Variants in YEATS2 observed in about 807,000 individuals in gnomAD.
The protein encoded by YEATS2 is YEATS domain containing 2, also known as YEATS domain-containing protein 2.
Under a neutral mutation model 163.2 loss-of-function variants are expected in YEATS2, and 77 were observed. That is an observed-to-expected ratio of 0.47 (90% confidence interval 0.39 to 0.57). The LOEUF (loss-of-function observed/expected upper bound fraction) is 0.57, where lower values mean the gene tolerates loss of function less well. Ranked by LOEUF, YEATS2 falls within the 20% of genes least tolerant of loss-of-function variation. The probability of loss-of-function intolerance (pLI) is 0.00; values close to 1 mark genes in which losing one functional copy is unlikely to be tolerated. For missense variants in YEATS2, 1,549 were observed against 1,729.8 expected, an observed-to-expected ratio of 0.90 and a Z score of 1.85; for synonymous variants, 631 against 645.1, an observed-to-expected ratio of 0.98 and a Z score of 0.33.
At chr3:183,751,967 T>A (rs1720210941) in intron 9 of YEATS2, 106 bp from the exon 10 acceptor site, 1 of 1,268,394 alleles carries the variant, frequency 7.9e-7, no homozygotes, top group Non-Finnish European at 1.1e-6. Context: ...GAAGTGTGAT[T>A]AGAAGTTATC....
Position 183,806,984 on chromosome 3 carries a change from G to A in YEATS2, c.3903G>A (p.Glu1301=), listed in dbSNP as rs764260653. The part of the protein sequence containing the change: ...EEEVDILSLS[E]PVKINIKKEQ... ...AGGTGGACATCCTCAGCCTCTCCGA[G>A]CCAGTGAAGATAAACATCAAGAAGG... The change falls in exon 28 of 31, where the codon GAG becomes GAA. Residue 1301 remains glutamate, a synonymous_variant. Transcript: ENST00000305135. 7 of 1,614,052 alleles carry A rather than the reference G, an allele frequency of 4.3e-6. No individual in the cohort carries two copies. The highest frequency in any genetic ancestry group is 2.2e-5 in the East Asian group (1 of 44,902).
chr3:183,735,687 T>C (rs540171184), intron 7 of YEATS2, among the ~76,000 whole-genome samples: 4 of 138,436 alleles, frequency 2.9e-5, no homozygotes, highest in African/African-American at 1.0e-4. Context: ...TCTTTCTCCT[T>C]GTCATTTTCT....
intron 27 of YEATS2, chr3:183,806,316 C>T (rs1267601300): frequency 4.4e-6 from 2 of 456,162 alleles, no homozygotes; most frequent in Non-Finnish European, 8.8e-6. Flanking sequence ...AAATCTTGTA[C>T]CTGGTGTGGA....
intron 1 of YEATS2, among the ~76,000 whole-genome samples, 162 bp from the exon 2 acceptor site, chr3:183,714,982 A>G (rs1440155198): frequency 3.3e-5 from 5 of 151,968 alleles, no homozygotes; most frequent in Non-Finnish European, 5.9e-5. Context: ...ATATGTGTGT[A>G]TATACACATA....
At chr3:183,779,537 A>G (rs1723347215) in intron 19 of YEATS2, among the ~76,000 whole-genome samples, 1 of 152,122 alleles carries the variant, frequency 6.6e-6, no homozygotes, top group African/African-American at 2.4e-5. Context: ...CAGCCCTCCA[A>G]TATGTTTCAA....
chr3:183,727,059 C>T (rs928528113), intron 6 of YEATS2, among the ~76,000 whole-genome samples: 1 of 152,048 alleles, frequency 6.6e-6, no homozygotes, highest in East Asian at 1.9e-4. Context: ...CCTTGGCCTC[C>T]AAAAGTGCTG....
At chr3:183,730,310 C>A (rs1325908000) in intron 7 of YEATS2, among the ~76,000 whole-genome samples, 1 of 151,822 alleles carries the variant, frequency 6.6e-6, no homozygotes. Flanking sequence ...AGCCCCCTGC[C>A]CGCCTTGGCC....
intron 1 of YEATS2, among the ~76,000 whole-genome samples, chr3:183,712,764 ATT>A (rs35062693): frequency 0.062 from 9,081 of 146,412 alleles, 903 homozygotes; most frequent in African/African-American, 0.21. Flanking sequence ...ACTAATACAA[ATT>A]TTTTTTTTTT....
intron 23 of YEATS2, 38 bp downstream of exon 23, chr3:183,799,027 T>A (rs1326168032): frequency 6.6e-7 from 1 of 1,521,258 alleles, no homozygotes; most frequent in African/African-American, 1.4e-5. Context: ...CCAGAAGTTT[T>A]GTTACTTTTT....
At position 183,718,240 on chromosome 3, in the gene YEATS2, C is replaced by G. The variant is rs576116559; in HGVS notation, c.199-260C>G. On this transcript the variant is annotated intron_variant, in intron 3 of 30. Coordinates refer to ENST00000305135, the MANE Select transcript of YEATS2 (RefSeq NM_018023.5). The stretch of plus-strand genomic sequence containing the variant: ...TTAAAAAAGATAATCCCTCTTTGCT[C>G]TTGTGTTCAGTGTCTTTGTGGATTT... Among the ~76,000 whole-genome samples, 6 of 152,310 alleles carry G rather than the reference C, an allele frequency of 3.9e-5. No individual in the cohort carries two copies. The South Asian group carries it at 1.2e-3, about 32-fold the overall frequency.
chr3:183,800,603 T>A, intron 24 of YEATS2, 35 bp downstream of exon 24: 1 of 1,575,816 alleles, frequency 6.3e-7, no homozygotes, highest in Non-Finnish European at 8.7e-7. Context: ...GGAATTCCGC[T>A]TCGGGTGTTT....
intron 19 of YEATS2, among the ~76,000 whole-genome samples, chr3:183,780,735 T>C (rs544644328): frequency 1.3e-5 from 2 of 152,344 alleles, no homozygotes; most frequent in South Asian, 4.1e-4. Context: ...AACATGTCTC[T>C]CAGCATTTAG....
At chr3:183,782,757 T>C (rs981453321) in intron 19 of YEATS2, among the ~76,000 whole-genome samples, 2 of 152,210 alleles carry the variant, frequency 1.3e-5, no homozygotes, top group Non-Finnish European at 2.9e-5. Context: ...TGATTCCACT[T>C]TCCTGTTGAT....
chr3:183,807,921 C>A, intron 28 of YEATS2, 109 bp from the exon 29 acceptor site: 1 of 826,924 alleles, frequency 1.2e-6, no homozygotes, highest in South Asian at 1.7e-5. Context: ...TTTGCAGAGT[C>A]CTCCTTCCAA....
chr3:183,807,626 A>G (rs263029), intron 28 of YEATS2: 90,600 of 205,142 alleles, frequency 0.44, 20,608 homozygotes, highest in Middle Eastern at 0.54. Flanking sequence ...CTCAGGGCCC[A>G]AGGTGAAAGA....
At chr3:183,801,204 A>T in intron 24 of YEATS2, 1 of 347,898 alleles carries the variant, frequency 2.9e-6, no homozygotes, top group Non-Finnish European at 5.2e-6. Context: ...TAAGGTGTAG[A>T]TTAAATGTCT....
intron 1 of YEATS2, among the ~76,000 whole-genome samples, chr3:183,708,651 A>T (rs1357205109): frequency 2.6e-5 from 4 of 152,106 alleles, no homozygotes; most frequent in Non-Finnish European, 5.9e-5. Context: ...GGATCTCTTG[A>T]GGCCAGGAGT....
chr3:183,724,643 C>A, intron 6 of YEATS2, 112 bp downstream of exon 6: 3 of 745,306 alleles, frequency 4.0e-6, no homozygotes, highest in South Asian at 2.4e-5. Flanking sequence ...TTTTCCCAAG[C>A]CCTTAGTTGT....
At chr3:183,792,890 T>A (rs1368128444) in intron 21 of YEATS2, among the ~76,000 whole-genome samples, 1 of 152,160 alleles carries the variant, frequency 6.6e-6, no homozygotes, top group Non-Finnish European at 1.5e-5. Flanking sequence ...AATGTGAATA[T>A]TTGTGTGTTT....
Sources: gnomAD v4.1 joint callset for allele counts (sites outside exome capture counted in the v4.1 genomes callset) on GRCh38, gnomAD v4.1.1 for gene constraint, MANE v1.5 for transcripts, NCBI Gene and HGNC (gene_info 2026-07-23, HGNC 2026-07-21) for gene names.